Variants in FAM184A observed in about 807,000 individuals in gnomAD.
The protein encoded by FAM184A is family with sequence similarity 184 member A.
A neutral mutation model predicts 143.8 loss-of-function variants in FAM184A; 99 were observed. That is an observed-to-expected ratio of 0.69 (90% CI 0.58 to 0.81). The LOEUF is 0.81. Ranked by LOEUF, FAM184A falls within the 40% of genes least tolerant of loss-of-function variation. FAM184A has a pLI of 0.00. For synonymous variants in FAM184A, 427 were observed against 446.4 expected (o/e 0.96, Z 0.55); for missense variants, 1,217 against 1,310.5 (o/e 0.93, Z 1.10).
intron 1 of FAM184A, among the ~76,000 whole-genome samples, chr6:119,108,128 A>AGTGTGTGTGT (rs57693047): frequency 0.08 from 11,754 of 147,288 alleles, 675 homozygotes; most frequent in East Asian, 0.21. Flanking sequence ...AGCACTTGTT[A>AGTGTGTGTGT]GTGTGTGTGT....
intron 1 of FAM184A, among the ~76,000 whole-genome samples, chr6:119,116,787 A>G (rs559618410): frequency 3.8e-4 from 58 of 152,350 alleles, no homozygotes; most frequent in African/African-American, 1.3e-3. Flanking sequence ...TTTCAGGCTT[A>G]GGGAACAGTA....
intron 15 of FAM184A, among the ~76,000 whole-genome samples, chr6:118,966,508 ATAC>A (rs1310229531): frequency 6.6e-6 from 1 of 152,146 alleles, no homozygotes; most frequent in Non-Finnish European, 1.5e-5. Flanking sequence ...GCCAATCCTA[ATAC>A]TACATGTGCA....
intron 1 of FAM184A, among the ~76,000 whole-genome samples, chr6:119,061,365 T>G (rs1562133277): frequency 6.6e-6 from 1 of 151,898 alleles, no homozygotes; most frequent in Non-Finnish European, 1.5e-5. Flanking sequence ...TCTTTCTTTT[T>G]TTTTAATAGA....
rs117919717 is a variant in FAM184A, at chr6:119,055,711, T to C, written c.159+22430A>G. ...TATATCTCTGGTGTAAAATCTCATA[T>C]ACTGCATTTCTTTGGGTATCACAAC... is the stretch of plus-strand genomic sequence containing the variant. On this transcript the variant is annotated intron_variant, in intron 1 of 17. Coordinates refer to ENST00000338891, the MANE Select transcript of FAM184A (RefSeq NM_024581.6). Among the ~76,000 whole-genome samples, 98 of 152,352 alleles carry C rather than the reference T, an allele frequency of 6.4e-4. 1 individual carries two copies. In the East Asian group the frequency reaches 0.016, roughly 25 times the overall value.
upstream of FAM184A, among the ~76,000 whole-genome samples, chr6:119,082,190 C>T (rs555128078): frequency 4.6e-5 from 7 of 152,212 alleles, no homozygotes; most frequent in Non-Finnish European, 8.8e-5. Flanking sequence ...CCTTCCCTTC[C>T]CAGCACTTTC....
intron 16 of FAM184A, among the ~76,000 whole-genome samples, chr6:118,964,201 C>T (rs1274816354): frequency 6.6e-6 from 1 of 152,044 alleles, no homozygotes; most frequent in Non-Finnish European, 1.5e-5. Context: ...AAAGAACGGT[C>T]AGAAGGCTGA....
At chr6:119,142,516 A>T (rs908394208) in intron 1 of FAM184A, among the ~76,000 whole-genome samples, 2 of 152,246 alleles carry the variant, frequency 1.3e-5, no homozygotes, top group Admixed American at 6.5e-5. Flanking sequence ...ATGCAGACCC[A>T]GTTGGAACTA....
intron 1 of FAM184A, among the ~76,000 whole-genome samples, chr6:119,066,521 T>C (rs1787458055): frequency 6.6e-6 from 1 of 152,196 alleles, no homozygotes; most frequent in African/African-American, 2.4e-5. Context: ...ATTGTGCTGC[T>C]ACAGTCCAGT....
At chr6:119,091,291 G>C (rs191351884) in intron 1 of FAM184A, among the ~76,000 whole-genome samples, 5 of 152,298 alleles carry the variant, frequency 3.3e-5, no homozygotes, top group Admixed American at 3.3e-4. Flanking sequence ...GGGTATGACG[G>C]TGAGAGAAGC....
At chr6:119,016,353 C>A (rs1307252520) in intron 5 of FAM184A, among the ~76,000 whole-genome samples, 1 of 152,174 alleles carries the variant, frequency 6.6e-6, no homozygotes, top group African/African-American at 2.4e-5. Flanking sequence ...CTACTGCTCA[C>A]TCTTTGGGTC....
chr6:119,100,541 C>T (rs1247999849), intron 1 of FAM184A, among the ~76,000 whole-genome samples: 1 of 151,904 alleles, frequency 6.6e-6, no homozygotes, highest in African/African-American at 2.4e-5. Flanking sequence ...CAGCGTGGGC[C>T]GGAGGGATAT....
At chr6:119,098,094 C>G (rs183013816) in intron 1 of FAM184A, among the ~76,000 whole-genome samples, 1 of 152,018 alleles carries the variant, frequency 6.6e-6, no homozygotes, top group Admixed American at 6.5e-5. Context: ...GGGAGGGACC[C>G]GGTGAGAGAT....
In FAM184A at chr6:118,976,278, C is replaced by T. The variant is rs751960947; in HGVS notation, c.2456-234G>A. 2.4e-4 allele frequency among the ~76,000 whole-genome samples: 37 copies of T among 151,958 alleles called. 1 individual carries two copies. Among genetic ancestry groups the T allele is most frequent in the African/African-American group, 8.0e-4 (33 of 41,376 alleles). On this transcript the variant is annotated intron_variant, in intron 11 of 17. Transcript: ENST00000338891. ...ATATAAAATATTTCAAATGTTTAAG[C>T]GGATCAAGGTATTTTTATACATGCT...
At chr6:119,119,323 G>A (rs1013817835) in intron 1 of FAM184A, among the ~76,000 whole-genome samples, 26 of 152,098 alleles carry the variant, frequency 1.7e-4, no homozygotes, top group East Asian at 1.2e-3. Flanking sequence ...CTATTCGTAC[G>A]CTCCCTCCTC....
intron 5 of FAM184A, among the ~76,000 whole-genome samples, chr6:119,012,063 C>T (rs1562472616): frequency 6.6e-6 from 1 of 152,026 alleles, no homozygotes; most frequent in African/African-American, 2.4e-5. Flanking sequence ...GAACTAATAA[C>T]GTCTAGCTTG....
At chr6:118,965,782 A>G (rs1783483792) in intron 15 of FAM184A, among the ~76,000 whole-genome samples, 1 of 152,208 alleles carries the variant, frequency 6.6e-6, no homozygotes, top group South Asian at 2.1e-4. Context: ...ATTTGCTGTG[A>G]GGACAAAATA....
At chr6:118,960,440 T>C (rs551391037) in intron 17 of FAM184A, among the ~76,000 whole-genome samples, 1 of 152,210 alleles carries the variant, frequency 6.6e-6, no homozygotes, top group African/African-American at 2.4e-5. Flanking sequence ...AAAAAACAAC[T>C]GCAAAAATGT....
chr6:119,051,047 G>A (rs1332812762), intron 1 of FAM184A, among the ~76,000 whole-genome samples: 2 of 152,132 alleles, frequency 1.3e-5, no homozygotes, highest in East Asian at 3.9e-4. Context: ...TGGGTACTAG[G>A]CTTAACACCT....
At chr6:119,052,832 T>G (rs141285802) in intron 1 of FAM184A, among the ~76,000 whole-genome samples, 3 of 152,220 alleles carry the variant, frequency 2.0e-5, no homozygotes, top group Non-Finnish European at 4.4e-5. Flanking sequence ...CTAAATACAC[T>G]GAGTTGTCTT....
Sources: allele counts gnomAD v4.1 joint callset (sites outside exome capture counted in the v4.1 genomes callset), GRCh38; gene constraint gnomAD v4.1.1; transcripts MANE v1.5; gene names NCBI Gene and HGNC (gene_info 2026-07-23, HGNC 2026-07-21).